The following CFAP299 variants were observed in gnomAD, a reference collection of about 807,000 sequenced individuals.
CFAP299 encodes cilia and flagella associated protein 299, also known as cilia- and flagella-associated protein 299.
CFAP299 carries 21 observed loss-of-function variants against 27.0 expected under a neutral mutation model. The observed-to-expected ratio is 0.78, with a 90% CI of 0.55 to 1.12. The LOEUF (loss-of-function observed/expected upper bound fraction) is 1.12, where lower values mean the gene tolerates loss of function less well. CFAP299 is among the 50% of genes most tolerant of loss of function. The pLI, the probability that CFAP299 is intolerant of heterozygous loss-of-function variation, is 0.00. For missense variants in CFAP299, 310 were observed against 276.6 expected (o/e 1.12, Z -0.86); for synonymous variants, 104 against 98.1 (o/e 1.06, Z -0.36).
At chr4:80,933,403 T>C (rs1256575437) in intron 4 of CFAP299, among the ~76,000 whole-genome samples, 3 of 152,144 alleles carry the variant, frequency 2.0e-5, no homozygotes, top group African/African-American at 7.2e-5. Flanking sequence ...AGTATTTGCC[T>C]TTCTGTCGGG....
chr4:80,853,812 A>G (rs1412022246), intron 3 of CFAP299, among the ~76,000 whole-genome samples: 1 of 152,218 alleles, frequency 6.6e-6, no homozygotes, highest in African/African-American at 2.4e-5. Context: ...ATAATGTTGC[A>G]TATTACATGG....
chr4:80,936,154 C>A (rs372681149), intron 4 of CFAP299, among the ~76,000 whole-genome samples: 182 of 152,018 alleles, frequency 1.2e-3, no homozygotes, highest in African/African-American at 4.1e-3. Context: ...TGATGATGAG[C>A]TTGTGGAGAA....
chr4:80,931,145 AAGTGAGTGAGTG>A (rs3038546), intron 4 of CFAP299, among the ~76,000 whole-genome samples: 3,865 of 135,142 alleles, frequency 0.029, 115 homozygotes, highest in African/African-American at 0.078. Flanking sequence ...ACATAATAAT[AAGTGAGTGAGTG>A]AGTGAGTGAG....
At chr4:80,719,872 C>T (rs1486293675) in intron 3 of CFAP299, among the ~76,000 whole-genome samples, 1 of 152,090 alleles carries the variant, frequency 6.6e-6, no homozygotes, top group East Asian at 1.9e-4. Flanking sequence ...TATTTAAGCC[C>T]CTAATAAAAC....
At chr4:80,688,074 G>C (rs1465104661) in intron 3 of CFAP299, among the ~76,000 whole-genome samples, 88 of 152,348 alleles carry the variant, frequency 5.8e-4, no homozygotes, top group Admixed American at 5.8e-3. Context: ...TAGCACAGCA[G>C]TCTGAGATCA....
rs1172908670 is a variant in CFAP299 at position 80,782,628 on chromosome 4, C to A, written c.334-87365C>A. On this transcript the variant is annotated intron_variant, in intron 3 of 5. Transcript: ENST00000358105. ...TACATATATTAATATATAATATATT[C>A]ATATATAATATACATATATGAATAT... 6.1e-4 allele frequency among the ~76,000 whole-genome samples: 58 copies of A among 94,970 alleles called. No individual in the cohort carries two copies. The East Asian group carries it at 8.8e-3, about 14-fold the overall frequency. 62.3% of individuals were successfully genotyped at this position (94,970 alleles called of 152,430 possible). A position where few individuals can be genotyped will look rare whatever the true frequency, so the allele number is the denominator to read the frequency against.
intron 4 of CFAP299, among the ~76,000 whole-genome samples, chr4:80,887,265 C>A (rs1177927036): frequency 6.6e-6 from 1 of 152,126 alleles, no homozygotes; most frequent in Admixed American, 6.5e-5. Flanking sequence ...CCAAAGAAGA[C>A]TACCTAAAGA....
intron 3 of CFAP299, among the ~76,000 whole-genome samples, chr4:80,764,879 G>A (rs185021761): frequency 1.3e-5 from 2 of 152,234 alleles, no homozygotes; most frequent in East Asian, 3.9e-4. Context: ...ATAAGTGGGA[G>A]TTGAACGACG....
intron 2 of CFAP299, chr4:80,387,060 C>A: frequency 7.0e-7 from 1 of 1,423,806 alleles, no homozygotes. Context: ...GCAGTGTGGG[C>A]AGGGGAAGTT....
chr4:80,442,722 A>G (rs919550016), intron 2 of CFAP299, among the ~76,000 whole-genome samples: 1 of 152,158 alleles, frequency 6.6e-6, no homozygotes, highest in African/African-American at 2.4e-5. Context: ...GACTCGAAAA[A>G]CCCTTCAAAA....
intron 3 of CFAP299, among the ~76,000 whole-genome samples, chr4:80,736,085 A>G (rs1311343253): frequency 1.3e-5 from 2 of 152,032 alleles, no homozygotes; most frequent in Non-Finnish European, 2.9e-5. Flanking sequence ...CTTTAGTTTA[A>G]TTAGATCCCA....
intron 2 of CFAP299, among the ~76,000 whole-genome samples, chr4:80,448,706 TA>T (rs5859726): frequency 0.93 from 140,342 of 151,538 alleles, 65,784 homozygotes; most frequent in East Asian, 1. Context: ...TTGAACATAA[TA>T]AAAAAAAAAC....
chr4:80,892,588 G>A (rs1734363816), intron 4 of CFAP299, among the ~76,000 whole-genome samples: 2 of 152,036 alleles, frequency 1.3e-5, no homozygotes, highest in South Asian at 2.1e-4. Flanking sequence ...ATGCAAATTA[G>A]TAAATGTGAT....
intron 2 of CFAP299, among the ~76,000 whole-genome samples, chr4:80,546,474 G>C (rs75963125): frequency 6.6e-6 from 1 of 152,146 alleles, no homozygotes; most frequent in Non-Finnish European, 1.5e-5. Context: ...AAAGAAAGAA[G>C]AGATGACACA....
chr4:80,918,552 A>G (rs950846748), intron 4 of CFAP299, among the ~76,000 whole-genome samples: 12 of 152,068 alleles, frequency 7.9e-5, no homozygotes, highest in African/African-American at 2.9e-4. Flanking sequence ...GAGAAAGGAG[A>G]GAGGAGAGAA....
At chr4:80,638,654 A>T (rs1739573329) in intron 3 of CFAP299, among the ~76,000 whole-genome samples, 1 of 152,140 alleles carries the variant, frequency 6.6e-6, no homozygotes, top group African/African-American at 2.4e-5. Flanking sequence ...GAGTTTCTGG[A>T]TTATCACAAT....
intron 4 of CFAP299, among the ~76,000 whole-genome samples, chr4:80,913,986 A>G (rs1272793827): frequency 6.6e-6 from 1 of 152,148 alleles, no homozygotes. Context: ...CCATAGACTA[A>G]TGCTTTTGAG....
chr4:80,713,682 T>TA (rs1722305238), intron 3 of CFAP299, among the ~76,000 whole-genome samples: 1 of 152,186 alleles, frequency 6.6e-6, no homozygotes, highest in Non-Finnish European at 1.5e-5. Flanking sequence ...GTCACACAAC[T>TA]AAGCAGTGGG....
At chr4:80,358,825 G>A (rs1310701687) in intron 1 of CFAP299, among the ~76,000 whole-genome samples, 2 of 152,090 alleles carry the variant, frequency 1.3e-5, no homozygotes, top group Non-Finnish European at 2.9e-5. Context: ...TACATTCAGA[G>A]TTAGTATTGA....
Sources: allele counts gnomAD v4.1 joint callset (sites outside exome capture counted in the v4.1 genomes callset), GRCh38; gene constraint gnomAD v4.1.1; transcripts MANE v1.5; gene names NCBI Gene and HGNC (gene_info 2026-07-23, HGNC 2026-07-21).